The following LRCH1 variants were observed in gnomAD, a reference collection of about 807,000 sequenced individuals.
The protein encoded by LRCH1 is leucine-rich repeat and calponin homology domain-containing protein 1.
Under a neutral mutation model 94.9 loss-of-function variants are expected in LRCH1, and 23 were observed. The ratio of observed to expected loss-of-function variants is 0.24; its 90% CI spans 0.17 to 0.34. The LOEUF is 0.34. LRCH1 is among the 10% of genes least tolerant of loss of function. LRCH1 has a pLI of 1.00. For synonymous variants in LRCH1, 364 were observed against 354.9 expected (o/e 1.03, Z -0.29); for missense variants, 790 against 945.9 (o/e 0.84, Z 2.16).
chr13:46,666,832 C>T (rs752006840), intron 2 of LRCH1, among the ~76,000 whole-genome samples: 6 of 152,096 alleles, frequency 3.9e-5, no homozygotes, highest in Admixed American at 6.5e-5. Flanking sequence ...AACAGGAAGA[C>T]CCCCTCCTCC....
At chr13:46,594,146 C>A (rs575682951) in intron 1 of LRCH1, among the ~76,000 whole-genome samples, 4 of 151,886 alleles carry the variant, frequency 2.6e-5, no homozygotes, top group Admixed American at 2.0e-4. Context: ...TAAGCCTAGG[C>A]AGTCTGAGTC....
Position 46,694,979 on chromosome 13 carries a change from A to C in LRCH1, c.1207A>C (p.Arg403=), listed in dbSNP as rs1304970960. ...AGAAGAAAGAGACCAGTTTACTGAT[A>C]GAGCAGATGGTCTCCATTCGGAATT... ...SGEERDQFTD[R]ADGLHSEFMN... Residue 403 remains arginine, a synonymous_variant, in exon 9 of 20, where the codon AGA becomes CGA. Transcript: ENST00000389797. 3 of 1,614,116 alleles carry C rather than the reference A, an allele frequency of 1.9e-6. No homozygotes were observed. In the South Asian group the frequency reaches 3.3e-5, roughly 18 times the overall value.
chr13:46,711,003 G>A (rs954345833), intron 13 of LRCH1, among the ~76,000 whole-genome samples: 10 of 152,064 alleles, frequency 6.6e-5, no homozygotes, highest in Non-Finnish European at 1.0e-4. Context: ...CCACTCTCAT[G>A]GACTCAGGCA....
intron 1 of LRCH1, among the ~76,000 whole-genome samples, chr13:46,641,169 C>A (rs914180971): frequency 6.6e-5 from 10 of 151,974 alleles, no homozygotes; most frequent in African/African-American, 2.2e-4. Context: ...GGTCAGACAC[C>A]GAGGACATTG....
intron 1 of LRCH1, among the ~76,000 whole-genome samples, chr13:46,597,231 A>G (rs1594273343): frequency 2.0e-5 from 3 of 152,170 alleles, no homozygotes; most frequent in African/African-American, 7.2e-5. Context: ...CTCAGTTCTC[A>G]TACTGTAAAC....
chr13:46,643,431 T>C (rs1411689233), intron 1 of LRCH1, among the ~76,000 whole-genome samples: 1 of 152,212 alleles, frequency 6.6e-6, no homozygotes, highest in East Asian at 1.9e-4. Flanking sequence ...CCTTCCTTTC[T>C]CTCTTTTTCT....
chr13:46,561,918 C>T (rs1449645242), intron 1 of LRCH1, among the ~76,000 whole-genome samples: 3 of 152,180 alleles, frequency 2.0e-5, no homozygotes, highest in African/African-American at 7.2e-5. Flanking sequence ...TGCATTATTT[C>T]CTTATGGCAT....
intron 1 of LRCH1, among the ~76,000 whole-genome samples, chr13:46,643,058 A>G (rs146191455): frequency 1.6e-4 from 25 of 152,312 alleles, no homozygotes; most frequent in African/African-American, 5.8e-4. Flanking sequence ...ACATACACAA[A>G]TTCTTTATCT....
intron 1 of LRCH1, among the ~76,000 whole-genome samples, chr13:46,557,896 A>C (rs1432795781): frequency 6.6e-6 from 1 of 152,156 alleles, no homozygotes; most frequent in African/African-American, 2.4e-5. Flanking sequence ...AAAATAAAAA[A>C]TTAGGCGGGT....
chr13:46,603,483 C>G (rs2050653986), intron 1 of LRCH1, among the ~76,000 whole-genome samples: 1 of 152,138 alleles, frequency 6.6e-6, no homozygotes, highest in South Asian at 2.1e-4. Context: ...CTATGTGTCA[C>G]TAAAGCCAGT....
chr13:46,573,269 A>G (rs1409786768), intron 1 of LRCH1, among the ~76,000 whole-genome samples: 1 of 152,126 alleles, frequency 6.6e-6, no homozygotes, highest in East Asian at 1.9e-4. Flanking sequence ...TAAATATTTG[A>G]GCCGAGTAAG....
intron 2 of LRCH1, among the ~76,000 whole-genome samples, chr13:46,651,191 G>A (rs1773126): frequency 0.59 from 90,145 of 152,032 alleles, 26,722 homozygotes; most frequent in South Asian, 0.68. Flanking sequence ...ATGTCATTGC[G>A]TCATGTTAGT....
chr13:46,635,198 A>G (rs2051068650), intron 1 of LRCH1, among the ~76,000 whole-genome samples: 1 of 152,028 alleles, frequency 6.6e-6, no homozygotes, highest in Non-Finnish European at 1.5e-5. Context: ...GCCACCCAGC[A>G]CTCACACCGC....
intron 1 of LRCH1, among the ~76,000 whole-genome samples, chr13:46,584,623 A>G (rs575596856): frequency 6.6e-6 from 1 of 152,230 alleles, no homozygotes; most frequent in East Asian, 1.9e-4. Flanking sequence ...GGAGCCTGTG[A>G]TGGTCTCTAC....
At position 46,723,204 on chromosome 13, in the gene LRCH1, T is replaced by C. The variant is rs747889025; in HGVS notation, c.1760-17T>C. ...CAAGGCACTATATAAAGGCTTTTTT[T>C]CCCCTTTGTATTGTAGTGTTTCTAA... On this transcript the variant is annotated splice_polypyrimidine_tract_variant and intron_variant, in intron 16 of 19. Transcript: ENST00000389797. 1.9e-5 allele frequency: 28 copies of C among 1,492,106 alleles called. No homozygotes were observed. Among genetic ancestry groups the C allele is most frequent in the South Asian group, 2.3e-5 (2 of 85,226 alleles). 92.4% of individuals were successfully genotyped at this position (1,492,106 alleles called of 1,614,324 possible). A position where few individuals can be genotyped will look rare whatever the true frequency, so the allele number is the denominator to read the frequency against.
intron 19 of LRCH1, among the ~76,000 whole-genome samples, chr13:46,740,762 T>A (rs1197309499): frequency 6.6e-6 from 1 of 152,354 alleles, no homozygotes; most frequent in Middle Eastern, 3.4e-3. Context: ...GAATTCAGCA[T>A]GTGAGACAAT....
intron 1 of LRCH1, among the ~76,000 whole-genome samples, chr13:46,582,647 G>GTTTTTTTTTTTTTTTTT (rs1470411073): frequency 6.1e-5 from 1 of 16,514 alleles, no homozygotes; most frequent in African/African-American, 2.4e-4. Flanking sequence ...ACCATGCCCA[G>GTTTTTTTTTTTTTTTTT]CTTTTTTTTT....
intron 1 of LRCH1, among the ~76,000 whole-genome samples, chr13:46,643,412 A>G (rs1433735802): frequency 1.3e-5 from 2 of 152,174 alleles, no homozygotes; most frequent in Non-Finnish European, 2.9e-5. Flanking sequence ...ATTAAGTCCT[A>G]GATTCATTCC....
At chr13:46,719,354 G>A (rs1872491886) in intron 16 of LRCH1, among the ~76,000 whole-genome samples, 1 of 152,222 alleles carries the variant, frequency 6.6e-6, no homozygotes, top group Non-Finnish European at 1.5e-5. Context: ...GCTTTGTGGG[G>A]CAGGAATAGA....
Sources: gnomAD v4.1 joint callset for allele counts (sites outside exome capture counted in the v4.1 genomes callset) on GRCh38, gnomAD v4.1.1 for gene constraint, MANE v1.5 for transcripts, NCBI Gene and HGNC (gene_info 2026-07-23, HGNC 2026-07-21) for gene names.